The following SEPTIN11 variants were observed in gnomAD, a reference collection of about 807,000 sequenced individuals.
The protein encoded by SEPTIN11 is septin-11.
A neutral mutation model predicts 51.4 loss-of-function variants in SEPTIN11; 25 were observed. That is an observed-to-expected ratio of 0.49 (90% confidence interval 0.35 to 0.68). The LOEUF is 0.68. Ranked by LOEUF, SEPTIN11 falls within the 30% of genes least tolerant of loss-of-function variation. SEPTIN11 has a pLI of 0.00. For missense variants in SEPTIN11, 381 were observed against 520.8 expected, an observed-to-expected ratio of 0.73 and a Z score of 2.61; for synonymous variants, 174 against 184.1, an observed-to-expected ratio of 0.95 and a Z score of 0.44.
At chr4:76,977,497 G>C (rs550576828) in intron 1 of SEPTIN11, among the ~76,000 whole-genome samples, 2 of 152,180 alleles carry the variant, frequency 1.3e-5, no homozygotes, top group South Asian at 4.1e-4. Flanking sequence ...CCTAGCTCAG[G>C]GTAGGCTTTA....
Position 77,036,830 on chromosome 4 carries a change from C to A in SEPTIN11, c.*2318C>A. 6.6e-7 allele frequency: 1 copy of A among 1,522,290 alleles called. No homozygotes were observed. 94.3% of individuals were successfully genotyped at this position (1,522,290 alleles called of 1,614,324 possible). ...CAAATCTAATTGGATGTGCTTTCGC[C>A]TTTGCATGTAAGTACGGTAGTAAGA... On this transcript the variant is annotated 3_prime_UTR_variant, in exon 10 of 10. Transcript: ENST00000264893.
intron 1 of SEPTIN11, among the ~76,000 whole-genome samples, chr4:76,969,155 G>A (rs948556615): frequency 6.6e-6 from 1 of 152,134 alleles, no homozygotes; most frequent in Non-Finnish European, 1.5e-5. Flanking sequence ...AGTTGGCGGC[G>A]GGAGCTCTTT....
At chr4:77,018,791 C>T (rs1294307405) in intron 5 of SEPTIN11, among the ~76,000 whole-genome samples, 2 of 152,250 alleles carry the variant, frequency 1.3e-5, no homozygotes, top group East Asian at 3.9e-4. Context: ...AAATATTTTA[C>T]GTTGCTTCCA....
chr4:77,014,746 T>C, intron 4 of SEPTIN11, 110 bp from the exon 5 acceptor site: 1 of 1,062,922 alleles, frequency 9.4e-7, no homozygotes, highest in Non-Finnish European at 1.4e-6. Context: ...GGAAACATCT[T>C]TATTTTTTAC....
At chr4:77,018,369 A>G (rs892410129) in intron 5 of SEPTIN11, among the ~76,000 whole-genome samples, 20 of 152,178 alleles carry the variant, frequency 1.3e-4, no homozygotes, top group Admixed American at 6.5e-4. Flanking sequence ...GAATGGCGTG[A>G]ACCCGGAGGG....
chr4:76,955,895 G>A (rs953498605), intron 1 of SEPTIN11, among the ~76,000 whole-genome samples: 1 of 152,192 alleles, frequency 6.6e-6, no homozygotes, highest in Non-Finnish European at 1.5e-5. Flanking sequence ...TTAGACCTAA[G>A]CAACTGAGTC....
rs1409865048 is a variant in SEPTIN11, at chr4:77,005,584, C to T, written c.143-17C>T. On this transcript the variant is annotated splice_polypyrimidine_tract_variant and intron_variant, in intron 2 of 9. Transcript: ENST00000264893. Reference sequence around the variant, plus strand: ...GACATTGACACATTCTCTGATTTTTCTTTTGTGGTTATGTAGGTGAGACAG... The same window carrying T: ...GACATTGACACATTCTCTGATTTTTTTTTTGTGGTTATGTAGGTGAGACAG... The T allele has an allele frequency of 1.3e-6, 2 of 1,599,434 alleles. No individual in the cohort carries two copies. Among genetic ancestry groups the T allele is most frequent in the South Asian group, 1.1e-5 (1 of 89,132 alleles).
chr4:76,980,184 C>A (rs1722702463), intron 1 of SEPTIN11, among the ~76,000 whole-genome samples: 1 of 152,132 alleles, frequency 6.6e-6, no homozygotes, highest in Admixed American at 6.5e-5. Flanking sequence ...CAACTTTAAA[C>A]TGATACTTTG....
chr4:77,022,058 G>A (rs1385737750), intron 7 of SEPTIN11, among the ~76,000 whole-genome samples: 3 of 152,296 alleles, frequency 2.0e-5, no homozygotes, highest in Non-Finnish European at 2.9e-5. Flanking sequence ...TGTGTACACA[G>A]GTTTAGCTAA....
chr4:76,957,525 G>C (rs1026875188), intron 1 of SEPTIN11, among the ~76,000 whole-genome samples: 1 of 152,136 alleles, frequency 6.6e-6, no homozygotes, highest in Non-Finnish European at 1.5e-5. Context: ...AAGCCAGTTA[G>C]TACACACACA....
chr4:76,984,299 A>T lies in SEPTIN11; in HGVS notation c.28-12126A>T, dbSNP rs1722915258. On this transcript the variant is annotated intron_variant, in intron 1 of 9. Coordinates refer to ENST00000264893, the MANE Select transcript of SEPTIN11 (RefSeq NM_018243.4). This position sits in a 1 kb window ranked among gnomAD's most constrained non-coding sequence, Gnocchi z 4.1. The stretch of plus-strand genomic sequence containing the variant: ...AACAGCCCTGGTGCTTTTGTTCATG[A>T]CTTGCTTGGAACTGGATTGGATTTT... 6.6e-6 allele frequency among the ~76,000 whole-genome samples: 1 copy of T among 151,842 alleles called. No individual in the cohort carries two copies. The highest frequency in any genetic ancestry group is 6.6e-5 in the Admixed American group (1 of 15,250).
At chr4:77,006,080 C>A (rs1724461119) in intron 3 of SEPTIN11, among the ~76,000 whole-genome samples, 1 of 152,086 alleles carries the variant, frequency 6.6e-6, no homozygotes, top group Non-Finnish European at 1.5e-5. Flanking sequence ...GGCCATGAAA[C>A]CAGGTTTGGG....
At chr4:77,018,762 A>G (rs1725486689) in intron 5 of SEPTIN11, among the ~76,000 whole-genome samples, 1 of 152,244 alleles carries the variant, frequency 6.6e-6, no homozygotes, top group Non-Finnish European at 1.5e-5. Flanking sequence ...CCAAAACAAT[A>G]AAGTTGCATT....
At chr4:76,991,554 A>T (rs2109929132) in intron 1 of SEPTIN11, among the ~76,000 whole-genome samples, 1 of 146,508 alleles carries the variant, frequency 6.8e-6, no homozygotes, top group South Asian at 2.3e-4. Context: ...GTATACATTC[A>T]TAAGAAAGTG....
chr4:76,985,852 G>C (rs774548098), intron 1 of SEPTIN11, among the ~76,000 whole-genome samples: 1 of 152,106 alleles, frequency 6.6e-6, no homozygotes, highest in African/African-American at 2.4e-5. Flanking sequence ...ACAACAAGGC[G>C]CTTACAAATT....
At chr4:76,960,915 G>A (rs1721801657) in intron 1 of SEPTIN11, among the ~76,000 whole-genome samples, 1 of 152,210 alleles carries the variant, frequency 6.6e-6, no homozygotes, top group Non-Finnish European at 1.5e-5. Context: ...TTATCAGGAT[G>A]TGTTTTGTCG....
At position 76,981,344 on chromosome 4, in the gene SEPTIN11, A is replaced by G. The variant is rs556938292; in HGVS notation, c.28-15081A>G. ...CTGTGGGAACATTCTTGTGAGCTGC[A>G]GCATGTGAAAAGGTTTGTTTTGCAT... On this transcript the variant is annotated intron_variant, in intron 1 of 9. Transcript: ENST00000264893. 5.3e-5 allele frequency among the ~76,000 whole-genome samples: 8 copies of G among 152,352 alleles called. No homozygotes were observed. In the South Asian group the frequency reaches 1.7e-3, roughly 32 times the overall value.
intron 1 of SEPTIN11, among the ~76,000 whole-genome samples, chr4:76,970,935 C>T (rs1722212416): frequency 6.6e-6 from 1 of 152,112 alleles, no homozygotes; most frequent in South Asian, 2.1e-4. Context: ...CAGAAAACTA[C>T]CAACATGCTT....
At position 76,983,898 on chromosome 4, in the gene SEPTIN11, C is replaced by T. The variant is rs530878505; in HGVS notation, c.28-12527C>T. Among the ~76,000 whole-genome samples, 34 of 152,232 alleles carry T rather than the reference C, an allele frequency of 2.2e-4. 1 individual carries two copies. The highest frequency in any genetic ancestry group is 7.9e-4 in the African/African-American group (33 of 41,546). ...TGGCAGGTGCCTGTAATCCCAGCTA[C>T]TCGGAAGCTGAGGCAGGAGAATTGC... On this transcript the variant is annotated intron_variant, in intron 1 of 9. Transcript: ENST00000264893.
Sources: gnomAD v4.1 joint callset for allele counts (sites outside exome capture counted in the v4.1 genomes callset) on GRCh38, gnomAD v4.1.1 for gene constraint, Gnocchi (gnomAD v3.1) non-coding constraint, MANE v1.5 for transcripts, NCBI Gene and HGNC (gene_info 2026-07-23, HGNC 2026-07-21) for gene names.